CFAP54: variants seen among roughly 807,000 people sequenced by gnomAD.
The protein encoded by CFAP54 is cilia- and flagella-associated protein 54.
In CFAP54, 290 loss-of-function variants were observed where a neutral mutation model predicts 370.4. That is an observed-to-expected ratio of 0.78 (90% CI 0.71 to 0.86). The LOEUF (loss-of-function observed/expected upper bound fraction) is 0.86. Among genes scored for constraint, CFAP54 ranks in the 40% least tolerant of loss-of-function variants. CFAP54 has a pLI of 0.00. For synonymous variants in CFAP54, 1,206 were observed against 1,236.5 expected, an observed-to-expected ratio of 0.98 and a Z score of 0.52; for missense variants, 3,399 against 3,528.7, an observed-to-expected ratio of 0.96 and a Z score of 0.93.
At chr12:96,583,927 A>G (rs562968636) in intron 22 of CFAP54, among the ~76,000 whole-genome samples, 41 of 151,492 alleles carry the variant, frequency 2.7e-4, no homozygotes, top group Non-Finnish European at 3.7e-4. Flanking sequence ...TCCTCTATCA[A>G]TTTTCTTTTT....
chr12:96,780,678 A>G (rs1035548572), intron 60 of CFAP54, among the ~76,000 whole-genome samples: 4 of 152,204 alleles, frequency 2.6e-5, no homozygotes, highest in Admixed American at 2.6e-4. Context: ...TGTTCCAAGC[A>G]GCATGAATGA....
At chr12:96,492,107 A>G (rs985993944) in intron 1 of CFAP54, among the ~76,000 whole-genome samples, 1 of 152,070 alleles carries the variant, frequency 6.6e-6, no homozygotes, top group African/African-American at 2.4e-5. Context: ...TCATCTCCCC[A>G]TCTCCACTAC....
At chr12:96,490,373 C>G (rs1247428911) in intron 1 of CFAP54, among the ~76,000 whole-genome samples, 1 of 152,198 alleles carries the variant, frequency 6.6e-6, no homozygotes, top group Admixed American at 6.5e-5. Context: ...TTAAAGTGCA[C>G]ATGTTCACAG....
intron 27 of CFAP54, 60 bp from the exon 28 acceptor site, chr12:96,623,707 G>A: frequency 1.2e-6 from 1 of 804,460 alleles, no homozygotes; most frequent in Non-Finnish European, 2.0e-6. Flanking sequence ...AATGTTGTTT[G>A]AAAAGGACAG....
At position 96,644,413 on chromosome 12, in the gene CFAP54, A is replaced by T. The variant is rs1267799803; in HGVS notation, c.4547+5A>T. 1 of 1,500,012 alleles carries T rather than the reference A, an allele frequency of 6.7e-7. No homozygotes were observed. Among genetic ancestry groups the T allele is most frequent in the Admixed American group, 2.0e-5 (1 of 50,420 alleles). The allele number at this position is 1,500,012 out of a possible 1,614,324, so 92.9% of individuals were successfully genotyped here. On this transcript the variant is annotated splice_donor_5th_base_variant and intron_variant, in intron 33 of 67. Transcript: ENST00000524981. ...CACATCACATATGATGGTCAGGTAT[A>T]GTATATTACTGATGAAAAATACTTT...
chr12:96,612,825 C>G (rs1159798575), intron 26 of CFAP54, among the ~76,000 whole-genome samples: 1 of 152,174 alleles, frequency 6.6e-6, no homozygotes, highest in Non-Finnish European at 1.5e-5. Flanking sequence ...AGCTAACTAT[C>G]CTAAATATAT....
chr12:96,660,319 C>A (rs1687983497), intron 38 of CFAP54, among the ~76,000 whole-genome samples: 1 of 152,178 alleles, frequency 6.6e-6, no homozygotes, highest in Non-Finnish European at 1.5e-5. Flanking sequence ...TTTGTTGCTT[C>A]TTCTTCTCCC....
At chr12:96,555,043 T>TA (rs1955737821) in intron 17 of CFAP54, 2 of 287,112 alleles carry the variant, frequency 7.0e-6, no homozygotes, top group South Asian at 2.0e-4. Context: ...TTATTTGTGT[T>TA]ATAGTAAATT....
At chr12:96,770,196 G>GTGTGTGTGTGTGTGTGTGTGAATT (rs765106888) in intron 60 of CFAP54, among the ~76,000 whole-genome samples, 4 of 151,718 alleles carry the variant, frequency 2.6e-5, no homozygotes, top group Admixed American at 1.3e-4. Context: ...GGATGTGTGT[G>GTGTGTGTGTGTGTGTGTGTGAATT]TGTGTGTGTG....
intron 1 of CFAP54, among the ~76,000 whole-genome samples, chr12:96,499,982 C>CAAAACA (rs374958401): frequency 0.011 from 1,553 of 146,548 alleles, 19 homozygotes; most frequent in African/African-American, 0.036. Flanking sequence ...CAAAACAAAA[C>CAAAACA]AAAAAAAACC....
chr12:96,775,718 T>C (rs1958510976), intron 60 of CFAP54, among the ~76,000 whole-genome samples: 1 of 152,132 alleles, frequency 6.6e-6, no homozygotes, highest in Admixed American at 6.5e-5. Flanking sequence ...ACTATGAATA[T>C]TCTTAAGTAT....
At chr12:96,674,918 C>A (rs1344029599) in intron 39 of CFAP54, among the ~76,000 whole-genome samples, 1 of 152,098 alleles carries the variant, frequency 6.6e-6, no homozygotes, top group African/African-American at 2.4e-5. Context: ...CTTCCTTACA[C>A]CTTATACAAA....
At chr12:96,636,346 T>A (rs1956664272) in intron 32 of CFAP54, among the ~76,000 whole-genome samples, 1 of 152,206 alleles carries the variant, frequency 6.6e-6, no homozygotes, top group Non-Finnish European at 1.5e-5. Context: ...TGAATTATAT[T>A]TTTCTAAAAA....
At chr12:96,825,305 T>C (rs150496379) in intron 65 of CFAP54, among the ~76,000 whole-genome samples, 42 of 128,436 alleles carry the variant, frequency 3.3e-4, no homozygotes, top group African/African-American at 1.2e-3. Context: ...ATATATTATA[T>C]ATATAATATA....
intron 66 of CFAP54, among the ~76,000 whole-genome samples, chr12:96,846,454 C>G (rs1248198255): frequency 3.9e-5 from 6 of 152,090 alleles, no homozygotes; most frequent in Non-Finnish European, 5.9e-5. Context: ...TAGCTCTTTA[C>G]AGGTTGAAAA....
At position 96,681,113 on chromosome 12, in the gene CFAP54, A is replaced by AC. The variant is rs747059710; in HGVS notation, c.5716+1368dup. 4.9e-4 allele frequency among the ~76,000 whole-genome samples: 67 copies of AC among 137,514 alleles called. 1 individual carries two copies. The highest frequency in any genetic ancestry group is 4.4e-3 in the South Asian group (18 of 4,090). The allele number at this position is 137,514 out of a possible 152,430, so 90.2% of individuals were successfully genotyped here. On this transcript the variant is annotated intron_variant, in intron 40 of 67. Coordinates refer to ENST00000524981, the MANE Select transcript of CFAP54 (RefSeq NM_001306084.2). ...ACAGAACAAAACAAAACAGAAAAGC[A>AC]CCCCCCCACACACACACACAAAAAG...
chr12:96,603,519 G>GA (rs1408270397), intron 26 of CFAP54, among the ~76,000 whole-genome samples: 2 of 152,182 alleles, frequency 1.3e-5, no homozygotes, highest in African/African-American at 4.8e-5. Flanking sequence ...CTAGGTTGGG[G>GA]AAATTCTCCT....
In CFAP54 at chr12:96,657,199, T is replaced by G. The variant is rs535202053; in HGVS notation, c.5101-683T>G. Among the ~76,000 whole-genome samples the G allele has an allele frequency of 3.5e-4, 54 of 152,320 alleles. 3 individuals are homozygous for G. In the South Asian group the frequency reaches 0.011, roughly 30 times the overall value. On this transcript the variant is annotated intron_variant, in intron 36 of 67. Transcript: ENST00000524981. ...CTTATATGGATCTAAGAGGCTTTGT[T>G]TTGCCTTAAGAATTTCCAGAGGTAT...
At chr12:96,664,717 A>ATC (rs377490915) in intron 39 of CFAP54, among the ~76,000 whole-genome samples, 437 of 7,038 alleles carry the variant, frequency 0.062, 41 homozygotes, top group Middle Eastern at 0.18. Context: ...ATATATATCT[A>ATC]TATATATCTA....
Sources: gnomAD v4.1 joint callset for allele counts (sites outside exome capture counted in the v4.1 genomes callset) on GRCh38, gnomAD v4.1.1 for gene constraint, MANE v1.5 for transcripts, NCBI Gene and HGNC (gene_info 2026-07-23, HGNC 2026-07-21) for gene names.